The following B3GALT1 variants were observed in gnomAD, a reference collection of about 807,000 sequenced individuals.
The protein encoded by B3GALT1 is UDP-Gal:betaGlcNAc beta 1,3-galactosyltransferase, polypeptide 1.
Under a neutral mutation model 23.2 loss-of-function variants are expected in B3GALT1, and 10 were observed. The ratio of observed to expected loss-of-function variants is 0.43; its 90% CI spans 0.27 to 0.73. B3GALT1 has a LOEUF of 0.73. Ranked by LOEUF, B3GALT1 falls within the 30% of genes least tolerant of loss-of-function variation. B3GALT1 has a pLI of 0.21. For missense variants in B3GALT1, 299 were observed against 405.4 expected (o/e 0.74, Z 2.25); for synonymous variants, 156 against 141.5 (o/e 1.10, Z -0.73).
intron 1 of B3GALT1, among the ~76,000 whole-genome samples, chr2:167,463,613 G>A (rs538272082): frequency 1.3e-5 from 2 of 152,210 alleles, no homozygotes; most frequent in African/African-American, 4.8e-5. Flanking sequence ...TAAAGCAATA[G>A]CACATGTTTC....
intron 4 of B3GALT1, among the ~76,000 whole-genome samples, chr2:167,867,178 G>C (rs991608642): frequency 2.0e-5 from 3 of 152,086 alleles, no homozygotes; most frequent in Admixed American, 1.3e-4. Context: ...CGCCCCCCTT[G>C]GCCTCCCAAA....
chr2:167,786,964 C>T lies in B3GALT1; in HGVS notation c.-351-31708C>T, dbSNP rs372303067. ...TTGGTTTGGTTTGGTTTTTTAACCT[C>T]GTCATGTGATTCAAATATACAGTTA... is the stretch of plus-strand genomic sequence containing the variant. On this transcript the variant is annotated intron_variant, in intron 3 of 4. Coordinates refer to ENST00000392690, the MANE Select transcript of B3GALT1 (RefSeq NM_020981.4). 1.3e-4 allele frequency among the ~76,000 whole-genome samples: 20 copies of T among 152,132 alleles called. No individual in the cohort carries two copies. In the East Asian group the frequency reaches 3.3e-3, roughly 25 times the overall value.
At chr2:167,802,214 A>G (rs2105341293) in intron 3 of B3GALT1, among the ~76,000 whole-genome samples, 2 of 152,348 alleles carry the variant, frequency 1.3e-5, no homozygotes, top group African/African-American at 4.8e-5. Flanking sequence ...TGAAGTGTCC[A>G]GCACACGGAC....
intron 1 of B3GALT1, among the ~76,000 whole-genome samples, chr2:167,476,707 T>A (rs1445391412): frequency 6.6e-6 from 1 of 152,150 alleles, no homozygotes; most frequent in Non-Finnish European, 1.5e-5. Context: ...CCTCTACACC[T>A]CTCACTGAGA....
chr2:167,687,460 T>G (rs978052941), intron 3 of B3GALT1, among the ~76,000 whole-genome samples: 9 of 152,142 alleles, frequency 5.9e-5, no homozygotes, highest in Non-Finnish European at 1.5e-5. Context: ...TGCCAAAGGT[T>G]TTTGTTGCTA....
intron 2 of B3GALT1, among the ~76,000 whole-genome samples, chr2:167,566,235 A>G (rs781768772): frequency 1.9e-4 from 29 of 152,070 alleles, no homozygotes; most frequent in Admixed American, 1.3e-4. Flanking sequence ...ATCATTCTCA[A>G]TAAACTATCG....
intron 1 of B3GALT1, among the ~76,000 whole-genome samples, chr2:167,389,559 A>G (rs908690648): frequency 2.0e-5 from 3 of 152,198 alleles, no homozygotes; most frequent in Admixed American, 2.0e-4. Context: ...AGGGCAGCCT[A>G]AGTACCAGGA....
chr2:167,296,431 T>C (rs1309327839), intron 1 of B3GALT1, among the ~76,000 whole-genome samples: 1 of 152,178 alleles, frequency 6.6e-6, no homozygotes, highest in East Asian at 1.9e-4. Flanking sequence ...CTTCAACTGG[T>C]TAGTAAATCA....
At chr2:167,585,082 G>A (rs1230846830) in intron 2 of B3GALT1, among the ~76,000 whole-genome samples, 1 of 152,006 alleles carries the variant, frequency 6.6e-6, no homozygotes, top group African/African-American at 2.4e-5. Context: ...GCTACCCAGG[G>A]GCCTCCAGCC....
chr2:167,767,719 T>A (rs1395672197), intron 3 of B3GALT1, among the ~76,000 whole-genome samples: 1 of 152,194 alleles, frequency 6.6e-6, no homozygotes, highest in Non-Finnish European at 1.5e-5. Context: ...AATTTTATTA[T>A]AAAGTATCTT....
In B3GALT1 at chr2:167,294,132, G is replaced by T. The variant is rs535801337; in HGVS notation, c.-511+798G>T. Among the ~76,000 whole-genome samples, 826 of 152,284 alleles carry T rather than the reference G, an allele frequency of 5.4e-3. 8 individuals carry two copies. The highest frequency in any genetic ancestry group is 0.019 in the African/African-American group (800 of 41,564). On this transcript the variant is annotated intron_variant, in intron 1 of 4. Coordinates refer to ENST00000392690, the MANE Select transcript of B3GALT1 (RefSeq NM_020981.4). ...CGGGACAGCTTGGTGGAGGCAGAGC[G>T]GGGCTCCGACGCCCGACGGCCCGGC...
At chr2:167,396,303 T>A (rs1014391572) in intron 1 of B3GALT1, among the ~76,000 whole-genome samples, 1 of 152,092 alleles carries the variant, frequency 6.6e-6, no homozygotes, top group African/African-American at 2.4e-5. Context: ...TTAGGCAGTA[T>A]GTCATTTATA....
rs553918385 is a variant in B3GALT1 at position 167,326,704 on chromosome 2, T to TTATC, written c.-511+33370_-511+33371insTATC. Among the ~76,000 whole-genome samples the TTATC allele has an allele frequency of 1.0e-3, 153 of 151,788 alleles. 25 individuals carry two copies. Among genetic ancestry groups the TTATC allele is most frequent in the Admixed American group, 1.8e-3 (27 of 15,252 alleles). ...CCCATTTATTTATTTATTTATTTAT[T>TTATC]GTAGAGACACAGTTTCACTCTATCG... On this transcript the variant is annotated intron_variant, in intron 1 of 4. Coordinates refer to ENST00000392690, the MANE Select transcript of B3GALT1 (RefSeq NM_020981.4).
chr2:167,432,771 CTT>C (rs1312540658), intron 1 of B3GALT1, among the ~76,000 whole-genome samples: 1 of 152,276 alleles, frequency 6.6e-6, no homozygotes, highest in South Asian at 2.1e-4. Flanking sequence ...TAGACTTTAT[CTT>C]TTAGAGCAGC....
intron 1 of B3GALT1, among the ~76,000 whole-genome samples, chr2:167,481,038 C>CT (rs1346899554): frequency 6.6e-6 from 1 of 152,144 alleles, no homozygotes; most frequent in Non-Finnish European, 1.5e-5. Context: ...GCTTTTGGAA[C>CT]TTTTTTTCTC....
At chr2:167,417,800 A>G (rs1333263372) in intron 1 of B3GALT1, among the ~76,000 whole-genome samples, 3 of 152,202 alleles carry the variant, frequency 2.0e-5, no homozygotes, top group Non-Finnish European at 4.4e-5. Flanking sequence ...CTCACACAAT[A>G]TTGAGTTCTC....
intron 2 of B3GALT1, among the ~76,000 whole-genome samples, chr2:167,598,588 C>A (rs1420985327): frequency 6.6e-6 from 1 of 152,138 alleles, no homozygotes; most frequent in East Asian, 1.9e-4. Flanking sequence ...CAAATATAGG[C>A]TCAAGTATAA....
intron 1 of B3GALT1, among the ~76,000 whole-genome samples, chr2:167,342,980 G>T (rs1697172447): frequency 6.6e-6 from 1 of 152,194 alleles, no homozygotes; most frequent in Admixed American, 6.5e-5. Flanking sequence ...CCTCAAGGGG[G>T]CATTCAGGAT....
intron 3 of B3GALT1, among the ~76,000 whole-genome samples, chr2:167,742,548 T>C (rs1205294177): frequency 1.3e-5 from 2 of 152,112 alleles, no homozygotes; most frequent in Non-Finnish European, 2.9e-5. Flanking sequence ...TAGCGGCATA[T>C]GGTGGGGTAA....
Sources: gnomAD v4.1 joint callset for allele counts (sites outside exome capture counted in the v4.1 genomes callset) on GRCh38, gnomAD v4.1.1 for gene constraint, MANE v1.5 for transcripts, NCBI Gene and HGNC (gene_info 2026-07-23, HGNC 2026-07-21) for gene names.